The following CRX variants were observed in gnomAD, a reference collection of about 807,000 sequenced individuals.
The protein encoded by CRX is cone-rod homeobox protein.
CRX carries 5 observed loss-of-function variants against 13.1 expected under a neutral mutation model. That is an observed-to-expected ratio of 0.38 (90% CI 0.20 to 0.80). The LOEUF (loss-of-function observed/expected upper bound fraction) is 0.80, where lower values mean the gene tolerates loss of function less well. Among genes scored for constraint, CRX ranks in the 30% least tolerant of loss-of-function variants. The pLI, the probability that CRX is intolerant of heterozygous loss-of-function variation, is 0.43. For synonymous variants in CRX, 179 were observed against 171.1 expected, an observed-to-expected ratio of 1.05 and a Z score of -0.36; for missense variants, 351 against 391.8, an observed-to-expected ratio of 0.90 and a Z score of 0.88.
Position 47,834,415 on chromosome 19 carries a change from T to G in CRX, c.-29T>G. 1.9e-6 allele frequency: 3 copies of G among 1,545,108 alleles called. No homozygotes were observed. The highest frequency in any genetic ancestry group is 2.7e-6 in the Non-Finnish European group (3 of 1,117,098). On this transcript the variant is annotated 5_prime_UTR_variant, in exon 2 of 4. Coordinates refer to ENST00000221996, the MANE Select transcript of CRX (RefSeq NM_000554.6). ...CCCTCCTCTTCTCTTGCAGGCCCCCTGACTTGGGCCTCAGTGTCCCCGAAG... is the reference window on the plus strand; with the variant it reads ...CCCTCCTCTTCTCTTGCAGGCCCCCGGACTTGGGCCTCAGTGTCCCCGAAG...
At position 47,841,092 on chromosome 19, in the gene CRX, G is replaced by A. The variant is rs1239641491; in HGVS notation, c.*1125G>A. The stretch of plus-strand genomic sequence containing the variant: ...AAGACAGACTTTAAGAAGCCCCGTC[G>A]GGAAACCTTAGGCCAATGATGTGGT... On this transcript the variant is annotated 3_prime_UTR_variant, in exon 4 of 4. Transcript: ENST00000221996. 1 of 152,064 alleles carries A rather than the reference G, an allele frequency of 6.6e-6. No individual in the cohort carries two copies. Among genetic ancestry groups the A allele is most frequent in the African/African-American group, 2.4e-5 (1 of 41,412 alleles). The allele number at this position is 152,064 out of a possible 1,614,324, so 9.4% of individuals were successfully genotyped here.
chr19:47,832,400 C>T (rs919992441), intron 1 of CRX, among the ~76,000 whole-genome samples: 4 of 151,752 alleles, frequency 2.6e-5, no homozygotes, highest in Non-Finnish European at 5.9e-5. Context: ...GCCACTGCGC[C>T]CAGGCTTACT....
rs150244312 is a variant in CRX, at chr19:47,829,151, T to C, written c.-35-5258T>C. Among the ~76,000 whole-genome samples the C allele has an allele frequency of 5.3e-3, 803 of 152,240 alleles. 8 individuals are homozygous for C. The highest frequency in any genetic ancestry group is 0.018 in the African/African-American group (758 of 41,524). On this transcript the variant is annotated intron_variant, in intron 1 of 3. Coordinates refer to ENST00000221996, the MANE Select transcript of CRX (RefSeq NM_000554.6). ...TTATTTTTGAGATGGAGTCTCACTCTGCCTCCCAGGCTGGAGTGCACTGGC... is the reference window on the plus strand; with the variant it reads ...TTATTTTTGAGATGGAGTCTCACTCCGCCTCCCAGGCTGGAGTGCACTGGC...
At chr19:47,828,893 A>AAC (rs59471457) in intron 1 of CRX, among the ~76,000 whole-genome samples, 7,889 of 133,974 alleles carry the variant, frequency 0.059, 274 homozygotes, top group East Asian at 0.15. Flanking sequence ...TTTTGACAAG[A>AAC]ACACACACAC....
intron 1 of CRX, among the ~76,000 whole-genome samples, chr19:47,829,779 A>C (rs1599974925): frequency 6.7e-6 from 1 of 148,538 alleles, no homozygotes; most frequent in Non-Finnish European, 1.5e-5. Flanking sequence ...ACAGGTGCGG[A>C]CCACCATGCC....
chr19:47,824,468 GGAT>G (rs1398615438), intron 1 of CRX, among the ~76,000 whole-genome samples: 1 of 152,218 alleles, frequency 6.6e-6, no homozygotes, highest in African/African-American at 2.4e-5. Flanking sequence ...TGTAAAGTGG[GGAT>G]GATACCAGAA....
intron 1 of CRX, among the ~76,000 whole-genome samples, chr19:47,825,765 CA>C (rs774130693): frequency 4.9e-5 from 7 of 143,544 alleles, no homozygotes; most frequent in African/African-American, 1.0e-4. Flanking sequence ...ACTAAAAATA[CA>C]AAAAAAAAAT....
intron 1 of CRX, among the ~76,000 whole-genome samples, chr19:47,828,074 A>AC (rs1260912014): frequency 6.7e-6 from 1 of 150,316 alleles, no homozygotes; most frequent in Non-Finnish European, 1.5e-5. Context: ...GAATCACTTG[A>AC]CCCTGGGAGG....
chr19:47,832,675 G>A (rs1306979969), intron 1 of CRX, among the ~76,000 whole-genome samples: 2 of 151,450 alleles, frequency 1.3e-5, no homozygotes, highest in Non-Finnish European at 1.5e-5. Context: ...TAGTAGAGAC[G>A]GGGTTTCACC....
intron 1 of CRX, among the ~76,000 whole-genome samples, chr19:47,831,378 C>T (rs1968043635): frequency 6.6e-6 from 1 of 152,008 alleles, no homozygotes; most frequent in Non-Finnish European, 1.5e-5. Context: ...GTCCCCAACC[C>T]CCGGTTTGTA....
Position 47,839,857 on chromosome 19 carries a change from G to A in CRX, c.790G>A (p.Val264Met), listed in dbSNP as rs138146799. Reference sequence around the variant, plus strand: ...CCAGAGCTATGGCGCCTACAGCCCCGTGGATAGCTTGGAATTCAAGGACCC... The same window carrying A: ...CCAGAGCTATGGCGCCTACAGCCCCATGGATAGCTTGGAATTCAAGGACCC... ...SGQSYGAYSPVDSLEFKDPTG... is the reference protein window; with the variant it reads ...SGQSYGAYSPMDSLEFKDPTG... The change falls in exon 4 of 4, where the codon GTG becomes ATG. Residue 264 changes from valine (V) to methionine (M), a missense_variant. Val to Met is a conservative substitution (Grantham distance 21). This residue lies in a region of CRX where 253 missense variants were observed against 268.3 expected (regional missense o/e 0.94). Transcript: ENST00000221996. This position sits in a 1 kb window ranked among gnomAD's most constrained non-coding sequence, Gnocchi z 4.6. The A allele has an allele frequency of 3.1e-5, 50 of 1,613,926 alleles. No individual in the cohort carries two copies. Among genetic ancestry groups the A allele is most frequent in the African/African-American group, 2.9e-4 (22 of 74,876 alleles).
chr19:47,839,996 G>A lies in CRX; in HGVS notation c.*29G>A. On this transcript the variant is annotated 3_prime_UTR_variant, in exon 4 of 4. Transcript: ENST00000221996. The surrounding 1 kb of genome is among the most constrained non-coding windows in gnomAD (Gnocchi z 4.6). ...ACGCAGTCTCCATCTCTCTCCATCG[G>A]GCCTCGGGACCCTTTCTCTTCTGAA... 1 of 1,609,704 alleles carries A rather than the reference G, an allele frequency of 6.2e-7. No individual in the cohort carries two copies. The highest frequency in any genetic ancestry group is 8.5e-7 in the Non-Finnish European group (1 of 1,179,840).
At position 47,827,049 on chromosome 19, in the gene CRX, C is replaced by A. The variant is rs1853651804; in HGVS notation, c.-36+5039C>A. Among the ~76,000 whole-genome samples the A allele has an allele frequency of 2.0e-5, 3 of 152,164 alleles. No homozygotes were observed. The South Asian group carries it at 6.2e-4, about 31-fold the overall frequency. ...CTTTCCTTAGAGCTAGCCTTGGAAG[C>A]CACGCTCTGTCATTTCTGCAATATC... is the stretch of plus-strand genomic sequence containing the variant. On this transcript the variant is annotated intron_variant, in intron 1 of 3. Transcript: ENST00000221996.
At position 47,839,868 on chromosome 19, in the gene CRX, G is replaced by A; in HGVS notation, c.801G>A (p.Leu267=). The A allele has an allele frequency of 1.2e-6, 2 of 1,614,082 alleles. No individual in the cohort carries two copies. The highest frequency in any genetic ancestry group is 1.7e-6 in the Non-Finnish European group (2 of 1,180,032). Reference sequence around the variant, plus strand: ...GCGCCTACAGCCCCGTGGATAGCTTGGAATTCAAGGACCCCACGGGCACCT... The same window carrying A: ...GCGCCTACAGCCCCGTGGATAGCTTAGAATTCAAGGACCCCACGGGCACCT... ...SYGAYSPVDS[L]EFKDPTGTWK... is the part of the protein sequence containing the mutation. The change falls in exon 4 of 4, where the codon TTG becomes TTA. Residue 267 remains leucine, a synonymous_variant. Transcript: ENST00000221996. The surrounding 1 kb of genome is among the most constrained non-coding windows in gnomAD (Gnocchi z 4.6).
In CRX at chr19:47,841,492, A is replaced by G. The variant is rs986133890; in HGVS notation, c.*1525A>G. On this transcript the variant is annotated 3_prime_UTR_variant, in exon 4 of 4. Transcript: ENST00000221996. Reference sequence around the variant, plus strand: ...CAGCTAGACAGACTCCCATCTGTAAATAAACAAGAGATAGGAAGAGGGGGA... The same window carrying G: ...CAGCTAGACAGACTCCCATCTGTAAGTAAACAAGAGATAGGAAGAGGGGGA... 6 of 152,170 alleles carry G rather than the reference A, an allele frequency of 3.9e-5. No homozygotes were observed. The highest frequency in any genetic ancestry group is 1.4e-4 in the African/African-American group (6 of 41,454). The allele number at this position is 152,170 out of a possible 1,614,324, so 9.4% of individuals were successfully genotyped here.
rs4801737 is a variant in CRX, at chr19:47,834,259, T to C, written c.-35-150T>C. 0.08 allele frequency: 51,416 copies of C among 645,826 alleles called. 3,829 individuals are homozygous for C. The highest frequency in any genetic ancestry group is 0.29 in the African/African-American group (16,067 of 55,834). 40.0% of individuals were successfully genotyped at this position (645,826 alleles called of 1,614,324 possible). A position where few individuals can be genotyped will look rare whatever the true frequency, so the allele number is the denominator to read the frequency against. On this transcript the variant is annotated intron_variant, in intron 1 of 3. Coordinates refer to ENST00000221996, the MANE Select transcript of CRX (RefSeq NM_000554.6). ...AACCTTAAGCAGAGGCCATTTTACA[T>C]GTGAGGACACAGAGGTACAGAGAGG...
chr19:47,835,358 T>C lies in CRX; in HGVS notation c.100+815T>C, dbSNP rs191305623. Among the ~76,000 whole-genome samples, 1,067 of 151,050 alleles carry C rather than the reference T, an allele frequency of 7.1e-3. 9 individuals are homozygous for C. The highest frequency in any genetic ancestry group is 0.01 in the Non-Finnish European group (685 of 67,642). On this transcript the variant is annotated intron_variant, in intron 2 of 3. Coordinates refer to ENST00000221996, the MANE Select transcript of CRX (RefSeq NM_000554.6). Reference sequence around the variant, plus strand: ...CAGGCATGAGCCACTGCACCTGGCCTGCAAAGCCTTATTTCTTTTTCTTTT... The same window carrying C: ...CAGGCATGAGCCACTGCACCTGGCCCGCAAAGCCTTATTTCTTTTTCTTTT...
chr19:47,834,466 G>A lies in CRX; in HGVS notation c.23G>A (p.Gly8Glu). ...ATCATGATGGCGTATATGAACCCGG[G>A]GCCCCACTATTCTGTCAACGCCTTG... MMAYMNP[G>E]PHYSVNALAL... Residue 8 changes from glycine to glutamate, a missense_variant, in exon 2 of 4, where the codon GGG (glycine) becomes GAG (glutamate). Physicochemically the swap from Gly to Glu is moderately conservative, Grantham distance 98. Transcript: ENST00000221996. 2 of 1,614,102 alleles carry A rather than the reference G, an allele frequency of 1.2e-6. No individual in the cohort carries two copies. The highest frequency in any genetic ancestry group is 1.1e-5 in the South Asian group (1 of 91,078).
chr19:47,826,869 C>T (rs551002611), intron 1 of CRX, among the ~76,000 whole-genome samples: 1 of 152,224 alleles, frequency 6.6e-6, no homozygotes, highest in East Asian at 1.9e-4. Flanking sequence ...GGTCAGATGT[C>T]GGCCAGGACT....
Sources: gnomAD v4.1 joint callset for allele counts (sites outside exome capture counted in the v4.1 genomes callset) on GRCh38, gnomAD v4.1.1 for gene constraint, gnomAD v4.1.1 regional missense constraint, Gnocchi (gnomAD v3.1) non-coding constraint, MANE v1.5 for transcripts, NCBI Gene and HGNC (gene_info 2026-07-23, HGNC 2026-07-21) for gene names.